Variants in RUBCN observed in about 807,000 individuals in gnomAD.
The protein encoded by RUBCN is rubicon autophagy regulator.
In RUBCN, 74 loss-of-function variants were observed where a neutral mutation model predicts 113.2. The observed-to-expected ratio is 0.65, with a 90% CI of 0.54 to 0.79. The LOEUF is 0.79. RUBCN is among the 30% of genes least tolerant of loss of function. The probability of loss-of-function intolerance (pLI) is 0.00; values close to 1 mark genes in which losing one functional copy is unlikely to be tolerated. For synonymous variants in RUBCN, 480 were observed against 490.0 expected, an observed-to-expected ratio of 0.98 and a Z score of 0.27; for missense variants, 1,109 against 1,251.7, an observed-to-expected ratio of 0.89 and a Z score of 1.72.
Position 197,679,907 on chromosome 3 carries a change from C to T in RUBCN, c.2430+1222G>A, listed in dbSNP as rs1192642587. On this transcript the variant is annotated intron_variant, in intron 16 of 19. Transcript: ENST00000296343. The stretch of plus-strand genomic sequence containing the variant: ...CTGTGCTCTGACAACTGGCTTCAGA[C>T]TGTCCTACGCTCTGACAACTGGCTC... Among the ~76,000 whole-genome samples, 770 of 147,000 alleles carry T rather than the reference C, an allele frequency of 5.2e-3. 3 individuals carry two copies. Among genetic ancestry groups the T allele is most frequent in the Non-Finnish European group, 8.4e-3 (552 of 65,812 alleles).
rs1721432126 is a variant in RUBCN, at chr3:197,683,072, G to A, written c.1980+235C>T. Reference sequence around the variant, plus strand: ...AGGTGGTCACAAACCAAACATGACTGAGTCTGGCGAGCAGTCACGTGAATA... The same window carrying A: ...AGGTGGTCACAAACCAAACATGACTAAGTCTGGCGAGCAGTCACGTGAATA... On this transcript the variant is annotated intron_variant, in intron 13 of 19. Transcript: ENST00000296343. The surrounding 1 kb of genome is among the most constrained non-coding windows in gnomAD (Gnocchi z 4.6). 6.6e-6 allele frequency among the ~76,000 whole-genome samples: 1 copy of A among 152,230 alleles called. No individual in the cohort carries two copies. The highest frequency in any genetic ancestry group is 2.4e-5 in the African/African-American group (1 of 41,460).
At chr3:197,687,338 A>C (rs1485676177) in intron 11 of RUBCN, among the ~76,000 whole-genome samples, 1 of 152,250 alleles carries the variant, frequency 6.6e-6, no homozygotes, top group East Asian at 1.9e-4. Context: ...AATTGGATAT[A>C]ATTTTGAAAC....
chr3:197,682,712 C>CA lies in RUBCN; in HGVS notation c.1981-98dup. The CA allele has an allele frequency of 1.6e-5, 24 of 1,536,010 alleles. 1 individual carries two copies. The South Asian group carries it at 2.6e-4, about 17-fold the overall frequency. On this transcript the variant is annotated intron_variant, in intron 13 of 19. Transcript: ENST00000296343. ...GAGTCAGGGATGGGCAGGAGAAAAA[C>CA]ACAGTTGGGGTAAGTTCACACGGAC...
chr3:197,681,130 C>A lies in RUBCN; in HGVS notation c.2429G>T (p.Arg810Leu), dbSNP rs141198920. 6.2e-6 allele frequency: 10 copies of A among 1,608,642 alleles called. No individual in the cohort carries two copies. Among genetic ancestry groups the A allele is most frequent in the Non-Finnish European group, 7.7e-6 (9 of 1,175,302 alleles). Residue 810 changes from arginine (R) to leucine (L), a missense_variant and splice_region_variant, in exon 16 of 20, where the codon CGG (arginine) becomes CTG (leucine). Physicochemically the swap from Arg to Leu is moderately radical, Grantham distance 102. This residue lies in a region of RUBCN where 306 missense variants were observed against 348.9 expected (regional missense o/e 0.88). Transcript: ENST00000296343. The surrounding 1 kb of genome is among the most constrained non-coding windows in gnomAD (Gnocchi z 5.5). ...AGGTGGCCTTTTCCAAGGTCTTACC[C>A]GGACTTGATTGAGCAGCTTGACCTT... ...YRKVKLLNQV[R>L]LLRVQLCHMK...
At chr3:197,717,253 C>T (rs539757811) in intron 2 of RUBCN, among the ~76,000 whole-genome samples, 1 of 152,026 alleles carries the variant, frequency 6.6e-6, no homozygotes, top group African/African-American at 2.4e-5. Context: ...ACCATCCTGG[C>T]TAACACGGTG....
At chr3:197,678,703 T>C (rs12495966) in intron 16 of RUBCN, among the ~76,000 whole-genome samples, 36 of 134,806 alleles carry the variant, frequency 2.7e-4, no homozygotes, top group Admixed American at 6.2e-4. Context: ...GACTGTCGTA[T>C]GCTCTAACTG....
In RUBCN at chr3:197,683,246, G is replaced by A. The variant is rs963417067; in HGVS notation, c.1980+61C>T. 2 of 1,606,814 alleles carry A rather than the reference G, an allele frequency of 1.2e-6. No individual in the cohort carries two copies. The highest frequency in any genetic ancestry group is 1.7e-5 in the Admixed American group (1 of 60,016). The stretch of plus-strand genomic sequence containing the variant: ...TCCAGACTAGGGACATGTGACGAAG[G>A]AAAACAAGGTCACAGAGGCTCACGA... On this transcript the variant is annotated intron_variant, in intron 13 of 19. Transcript: ENST00000296343. The surrounding 1 kb of genome is among the most constrained non-coding windows in gnomAD (Gnocchi z 4.6).
At chr3:197,747,091 G>A (rs1393066095) in intron 1 of RUBCN, among the ~76,000 whole-genome samples, 1 of 152,112 alleles carries the variant, frequency 6.6e-6, no homozygotes, top group Non-Finnish European at 1.5e-5. Flanking sequence ...ACCCAGTTCC[G>A]ATTTCTTGGC....
At chr3:197,730,773 TAGAAGCAAGGAGCC>T (rs1727335363) in intron 1 of RUBCN, among the ~76,000 whole-genome samples, 1 of 150,874 alleles carries the variant, frequency 6.6e-6, no homozygotes, top group African/African-American at 2.4e-5. Context: ...ATGGGAGTGC[TAGAAGCAAGGAGCC>T]AGCAAGTCTA....
Position 197,675,430 on chromosome 3 carries a change from G to GA in RUBCN, c.2731_2732insT (p.Thr911IlefsTer3), listed in dbSNP as rs1720267165. 6.2e-7 allele frequency: 1 copy of GA among 1,613,202 alleles called. No individual in the cohort carries two copies. Among genetic ancestry groups the GA allele is most frequent in the African/African-American group, 1.3e-5 (1 of 74,912 alleles). ...CCTGCACCTGCCCTCACCTTCACAG[G>GA]TCCGGCACTTATGGAGCTCAAAGGG... is the stretch of plus-strand genomic sequence containing the variant. On this transcript the variant is annotated frameshift_variant, in exon 19 of 20. Coordinates refer to ENST00000296343, the MANE Select transcript of RUBCN (RefSeq NM_014687.4). LOFTEE classifies it high-confidence loss of function. The surrounding 1 kb of genome is among the most constrained non-coding windows in gnomAD (Gnocchi z 4.4).
At chr3:197,730,967 CATT>C (rs976945562) in intron 1 of RUBCN, among the ~76,000 whole-genome samples, 12 of 129,880 alleles carry the variant, frequency 9.2e-5, no homozygotes, top group East Asian at 7.0e-4. Context: ...TCAGTGCGGG[CATT>C]ATTATGTGTT....
At chr3:197,710,448 A>G (rs953403305) in intron 2 of RUBCN, among the ~76,000 whole-genome samples, 11 of 151,986 alleles carry the variant, frequency 7.2e-5, no homozygotes, top group Non-Finnish European at 1.5e-4. Flanking sequence ...TAAAAATACA[A>G]AATTAGCTGG....
At chr3:197,730,286 CCTGA>C (rs1225195258) in intron 1 of RUBCN, among the ~76,000 whole-genome samples, 20 of 152,246 alleles carry the variant, frequency 1.3e-4, no homozygotes, top group African/African-American at 4.8e-4. Context: ...ATAACTTAGG[CCTGA>C]CTAAGCAGAA....
At chr3:197,684,027 GC>G (rs1218740715) in intron 12 of RUBCN, 129 bp downstream of exon 12, 1 of 723,018 alleles carries the variant, frequency 1.4e-6, no homozygotes, top group Non-Finnish European at 2.4e-6. Context: ...CCATCAGCAA[GC>G]CCCTCCCTTT....
chr3:197,741,596 C>T (rs1287269136), upstream of RUBCN, among the ~76,000 whole-genome samples: 2 of 152,072 alleles, frequency 1.3e-5, no homozygotes, highest in East Asian at 1.9e-4. Context: ...CTTGGGAGGC[C>T]GAGGTGGGAG....
chr3:197,685,693 C>G (rs796615485), intron 11 of RUBCN, among the ~76,000 whole-genome samples: 1 of 152,164 alleles, frequency 6.6e-6, no homozygotes, highest in Non-Finnish European at 1.5e-5. Context: ...CATTTTTGCT[C>G]GTAATTAGCA....
At chr3:197,701,168 T>A in intron 6 of RUBCN, 22 bp from the exon 7 acceptor site, 1 of 1,507,420 alleles carries the variant, frequency 6.6e-7, no homozygotes, top group South Asian at 1.3e-5. Context: ...AAGGAAATGG[T>A]AAGGGGAGCA....
chr3:197,708,705 T>C (rs1170261783), intron 2 of RUBCN, among the ~76,000 whole-genome samples: 1 of 152,210 alleles, frequency 6.6e-6, no homozygotes, highest in African/African-American at 2.4e-5. Context: ...AATTGAGTTG[T>C]GGCTTACCAA....
chr3:197,694,191 T>C, intron 10 of RUBCN, 184 bp downstream of exon 10: 1 of 725,092 alleles, frequency 1.4e-6, no homozygotes, highest in Admixed American at 2.0e-5. Flanking sequence ...CTGCCTGGCC[T>C]GGAAGGCAGG....
Sources: gnomAD v4.1 joint callset for allele counts (sites outside exome capture counted in the v4.1 genomes callset) on GRCh38, gnomAD v4.1.1 for gene constraint, gnomAD v4.1.1 regional missense constraint, Gnocchi (gnomAD v3.1) non-coding constraint, MANE v1.5 for transcripts, NCBI Gene and HGNC (gene_info 2026-07-23, HGNC 2026-07-21) for gene names.